WDFY3: variants seen among roughly 807,000 people sequenced by gnomAD.
The protein encoded by WDFY3 is WD repeat and FYVE domain-containing protein 3.
Under a neutral mutation model 409.6 loss-of-function variants are expected in WDFY3, and 66 were observed. The ratio of observed to expected loss-of-function variants is 0.16; its 90% CI spans 0.13 to 0.20. WDFY3 has a LOEUF of 0.20. Ranked by LOEUF, WDFY3 falls within the 10% of genes least tolerant of loss-of-function variation. The pLI is 1.00. For missense variants in WDFY3, 3,031 were observed against 4,298.1 expected (o/e 0.71, Z 8.24); for synonymous variants, 1,521 against 1,537.1 (o/e 0.99, Z 0.25).
chr4:84,768,337 C>A (rs1444200078), intron 30 of WDFY3, among the ~76,000 whole-genome samples: 1 of 152,158 alleles, frequency 6.6e-6, no homozygotes, highest in East Asian at 1.9e-4. Context: ...GAAGAAGATG[C>A]CATCTAGGAC....
At chr4:84,776,223 A>G (rs1745523968) in intron 27 of WDFY3, among the ~76,000 whole-genome samples, 1 of 152,094 alleles carries the variant, frequency 6.6e-6, no homozygotes, top group African/African-American at 2.4e-5. Context: ...ATATTCTTCA[A>G]AGATAGACTG....
chr4:84,851,818 C>T (rs1490769356), intron 4 of WDFY3, among the ~76,000 whole-genome samples: 2 of 152,064 alleles, frequency 1.3e-5, no homozygotes. Flanking sequence ...CCTGAAACCA[C>T]GGATAGTACC....
chr4:84,752,928 T>C (rs940790941), intron 35 of WDFY3, among the ~76,000 whole-genome samples: 1 of 152,234 alleles, frequency 6.6e-6, no homozygotes, highest in Admixed American at 6.5e-5. Flanking sequence ...CCCTGCTATA[T>C]GGTTTTGTGT....
At chr4:84,778,437 T>C in intron 27 of WDFY3, 66 bp downstream of exon 27, 1 of 1,364,436 alleles carries the variant, frequency 7.3e-7, no homozygotes, top group African/African-American at 1.5e-5. Flanking sequence ...TAAAATAGTT[T>C]ATAATCATAT....
chr4:84,907,876 G>C (rs538935976), intron 2 of WDFY3, among the ~76,000 whole-genome samples: 1 of 152,144 alleles, frequency 6.6e-6, no homozygotes, highest in Admixed American at 6.6e-5. Flanking sequence ...CGGATAAATA[G>C]AAGGCCCTAC....
chr4:84,834,444 C>T (rs1022774037), intron 7 of WDFY3, among the ~76,000 whole-genome samples: 24 of 151,496 alleles, frequency 1.6e-4, no homozygotes, highest in Admixed American at 8.5e-4. Flanking sequence ...CCCAGGAGTT[C>T]GAGACCAACC....
Position 84,780,145 on chromosome 4 carries a change from A to G in WDFY3, c.4328T>C (p.Leu1443Pro). 6.2e-7 allele frequency: 1 copy of G among 1,610,370 alleles called. No homozygotes were observed. The highest frequency in any genetic ancestry group is 2.2e-5 in the East Asian group (1 of 44,760). The change falls in exon 26 of 68, where the codon CTA (leucine) becomes CCA (proline). Residue 1443 changes from leucine to proline, a missense_variant. Physicochemically the swap from Leu to Pro is moderately conservative, Grantham distance 98. Coordinates refer to ENST00000295888, the MANE Select transcript of WDFY3 (RefSeq NM_014991.6). ...ALVCVVKSNP[L>P]ASKEMERIKG... ...GATTCTTTCCATTTCTTTGCTGGCT[A>G]GTGGGTTACTCTTGACCACACAAAC...
chr4:84,775,986 C>T (rs1745483847), intron 27 of WDFY3, among the ~76,000 whole-genome samples: 2 of 151,400 alleles, frequency 1.3e-5, no homozygotes, highest in African/African-American at 4.9e-5. Context: ...AAAAATTACA[C>T]AAGATGGAAA....
chr4:84,928,953 C>T (rs1460033035), intron 2 of WDFY3, among the ~76,000 whole-genome samples: 1 of 152,180 alleles, frequency 6.6e-6, no homozygotes, highest in African/African-American at 2.4e-5. Flanking sequence ...TATTCACACC[C>T]TTGTGTAATC....
rs528374483 is a variant in WDFY3, at chr4:84,750,467, C to G, written c.5973+1016G>C. Among the ~76,000 whole-genome samples the G allele has an allele frequency of 1.0e-4, 15 of 149,320 alleles. No homozygotes were observed. The South Asian group carries it at 3.2e-3, about 32-fold the overall frequency. ...TAACTGTACTAGCCACTAGAGGGAGCACAAAAAAAAAAAATCTCAGGTTCA... is the reference window on the plus strand; with the variant it reads ...TAACTGTACTAGCCACTAGAGGGAGGACAAAAAAAAAAAATCTCAGGTTCA... On this transcript the variant is annotated intron_variant, in intron 36 of 67. Transcript: ENST00000295888.
intron 3 of WDFY3, among the ~76,000 whole-genome samples, chr4:84,891,451 T>G (rs1764938902): frequency 6.6e-6 from 1 of 152,142 alleles, no homozygotes. Flanking sequence ...GCATTAAAAA[T>G]ATGAGTTTAC....
chr4:84,798,019 A>G lies in WDFY3; in HGVS notation c.2912T>C (p.Leu971Pro). ...ACTTCTCATTTCTGGTTCATAACTC[A>G]GTGAACTTGGTTTGTGGACCCTATA... Reference protein sequence around the residue: ...KQYRVHKPSSLSYEPEMRSSM... With the variant: ...KQYRVHKPSSPSYEPEMRSSM... The change falls in exon 18 of 68, where the codon CTG becomes CCG. Residue 971 changes from leucine to proline, a missense_variant. Physicochemically the swap from Leu to Pro is moderately conservative, Grantham distance 98 (BLOSUM62 -3). This residue lies in a region of WDFY3 where 1,322 missense variants were observed against 1,697.9 expected (regional missense o/e 0.78). Coordinates refer to ENST00000295888, the MANE Select transcript of WDFY3 (RefSeq NM_014991.6). The G allele has an allele frequency of 6.2e-7, 1 of 1,612,488 alleles. No individual in the cohort carries two copies. The highest frequency in any genetic ancestry group is 1.1e-5 in the South Asian group (1 of 90,582).
chr4:84,895,334 A>G (rs1035351916), intron 3 of WDFY3, among the ~76,000 whole-genome samples: 1 of 152,270 alleles, frequency 6.6e-6, no homozygotes, highest in Non-Finnish European at 1.5e-5. Flanking sequence ...TATGGAGAAC[A>G]CAGGGAAAAG....
chr4:84,687,533 G>A (rs1304675587), intron 62 of WDFY3, among the ~76,000 whole-genome samples: 1 of 152,000 alleles, frequency 6.6e-6, no homozygotes, highest in East Asian at 1.9e-4. Context: ...ATCAAATTTT[G>A]TTCTCTCTAC....
intron 2 of WDFY3, among the ~76,000 whole-genome samples, chr4:84,926,540 A>T (rs1035682950): frequency 1.1e-4 from 16 of 152,104 alleles, no homozygotes; most frequent in Non-Finnish European, 2.1e-4. Flanking sequence ...GTTCCCTTCC[A>T]GCTTTTTAAA....
intron 57 of WDFY3, 151 bp downstream of exon 57, chr4:84,696,581 A>G (rs1283742355): frequency 6.1e-6 from 4 of 655,042 alleles, no homozygotes; most frequent in Non-Finnish European, 1.0e-5. Context: ...TCAGGCATCA[A>G]CTGGGGTTCT....
intron 32 of WDFY3, among the ~76,000 whole-genome samples, chr4:84,759,818 T>C (rs1214400764): frequency 8.6e-5 from 13 of 151,214 alleles, no homozygotes; most frequent in Non-Finnish European, 1.5e-4. Context: ...CTAATTGCCC[T>C]GGCCAGAACT....
chr4:84,740,467 C>T (rs774197429), intron 38 of WDFY3, 51 bp from the exon 39 acceptor site: 1 of 1,567,630 alleles, frequency 6.4e-7, no homozygotes, highest in Non-Finnish European at 8.8e-7. Context: ...AGTAAAACAC[C>T]TGTTAATCAT....
At chr4:84,960,789 T>C (rs963967778) in intron 1 of WDFY3, among the ~76,000 whole-genome samples, 2 of 152,182 alleles carry the variant, frequency 1.3e-5, no homozygotes, top group Admixed American at 6.5e-5. Context: ...GTTACTCTTC[T>C]AAGGGTTTTA....
Sources: gnomAD v4.1 joint callset for allele counts (sites outside exome capture counted in the v4.1 genomes callset) on GRCh38, gnomAD v4.1.1 for gene constraint, gnomAD v4.1.1 regional missense constraint, MANE v1.5 for transcripts, NCBI Gene and HGNC (gene_info 2026-07-23, HGNC 2026-07-21) for gene names.